DNAAF4: variants seen among roughly 807,000 people sequenced by gnomAD.
DNAAF4 encodes the protein dynein assembly factor 4, axonemal.
In DNAAF4, 43 loss-of-function variants were observed where a neutral mutation model predicts 51.8. The ratio of observed to expected loss-of-function variants is 0.83; its 90% confidence interval spans 0.65 to 1.07. DNAAF4 has a LOEUF of 1.07. Ranked by LOEUF, DNAAF4 falls within the 50% of genes least tolerant of loss-of-function variation. The pLI, the probability that DNAAF4 is intolerant of heterozygous loss-of-function variation, is 0.00. For missense variants in DNAAF4, 581 were observed against 493.0 expected (o/e 1.18, Z -1.69); for synonymous variants, 194 against 165.6 (o/e 1.17, Z -1.32).
intron 7 of DNAAF4, among the ~76,000 whole-genome samples, chr15:55,419,617 A>T (rs1285821300): frequency 6.6e-6 from 1 of 152,158 alleles, no homozygotes; most frequent in African/African-American, 2.4e-5. Flanking sequence ...TGATAGATTG[A>T]GCAAATATTT....
At position 55,504,329 on chromosome 15, in the gene DNAAF4, G is replaced by A. The variant is rs564152325; in HGVS notation, c.-256+3793C>T. Among the ~76,000 whole-genome samples, 13 of 152,244 alleles carry A rather than the reference G, an allele frequency of 8.5e-5. No homozygotes were observed. In the East Asian group the frequency reaches 1.7e-3, roughly 20 times the overall value. On this transcript the variant is annotated intron_variant, in intron 1 of 9. Coordinates refer to ENST00000321149, the MANE Select transcript of DNAAF4 (RefSeq NM_130810.4). ...CATGGATAGGAAAAATCAATATTGCGAAAATGGTCCTACTGCCCAAGGTAA... is the reference window on the plus strand; with the variant it reads ...CATGGATAGGAAAAATCAATATTGCAAAAATGGTCCTACTGCCCAAGGTAA...
Position 55,433,333 on chromosome 15 carries a change from G to A in DNAAF4, c.1048-731C>T, listed in dbSNP as rs139601533. 2.9e-3 allele frequency among the ~76,000 whole-genome samples: 444 copies of A among 152,278 alleles called. 3 individuals carry two copies. Among genetic ancestry groups the A allele is most frequent in the African/African-American group, 0.01 (424 of 41,560 alleles). ...CACACACACACAAAAGGCCTCGGCC[G>A]GGTGTGGTGGCTCATGCCTGTAATC... is the stretch of plus-strand genomic sequence containing the variant. On this transcript the variant is annotated intron_variant, in intron 8 of 9. Coordinates refer to ENST00000321149, the MANE Select transcript of DNAAF4 (RefSeq NM_130810.4).
chr15:55,498,677 G>A (rs1473412503), intron 1 of DNAAF4, 93 bp from the exon 2 acceptor site: 1 of 190,100 alleles, frequency 5.3e-6, no homozygotes, highest in African/African-American at 2.4e-5. Context: ...AGGCCGAGGC[G>A]GGCGGATCAC....
chr15:55,432,977 A>C (rs1190546223), intron 8 of DNAAF4, among the ~76,000 whole-genome samples: 1 of 151,132 alleles, frequency 6.6e-6, no homozygotes, highest in Non-Finnish European at 1.5e-5. Context: ...AAAACAAACA[A>C]GCAAAAACAT....
chr15:55,497,575 G>C (rs2058657370), intron 3 of DNAAF4, 137 bp downstream of exon 3: 1 of 979,186 alleles, frequency 1.0e-6, no homozygotes, highest in African/African-American at 1.7e-5. Flanking sequence ...ACTCCAGCCT[G>C]GGCGACAGAG....
At chr15:55,458,417 T>C (rs2058050171) in intron 5 of DNAAF4, among the ~76,000 whole-genome samples, 1 of 151,922 alleles carries the variant, frequency 6.6e-6, no homozygotes, top group African/African-American at 2.4e-5. Context: ...CAACAATAGA[T>C]TTGAACAAGT....
rs1041296438 is a variant in DNAAF4 at position 55,468,579 on chromosome 15, C to G, written c.406-1418G>C. Among the ~76,000 whole-genome samples the G allele has an allele frequency of 1.3e-5, 2 of 152,260 alleles. 1 individual carries two copies. Among genetic ancestry groups the G allele is most frequent in the South Asian group, 4.2e-4 (2 of 4,816 alleles). On this transcript the variant is annotated intron_variant, in intron 4 of 9. Transcript: ENST00000321149. ...TCCATGTTAGAGAGGAAGCCACAAC[C>G]TAAAAGACGACTTCACCCAGCCTAA...
chr15:55,489,718 T>C (rs1238103985), intron 4 of DNAAF4, among the ~76,000 whole-genome samples: 1 of 147,886 alleles, frequency 6.8e-6, no homozygotes, highest in Non-Finnish European at 1.5e-5. Flanking sequence ...ATAAAAAAAG[T>C]GGACAAATCT....
At chr15:55,446,419 G>C in intron 6 of DNAAF4, among the ~76,000 whole-genome samples, 1 of 146,018 alleles carries the variant, frequency 6.8e-6, no homozygotes, top group Admixed American at 6.8e-5. Flanking sequence ...TTCCCAGACG[G>C]GGCGGCCGGG....
chr15:55,489,100 A>C (rs1267586852), intron 4 of DNAAF4, among the ~76,000 whole-genome samples: 1 of 151,796 alleles, frequency 6.6e-6, no homozygotes, highest in Non-Finnish European at 1.5e-5. Flanking sequence ...AAAAAAAAAA[A>C]CAAAAAACAA....
chr15:55,489,309 GA>G (rs145450338), intron 4 of DNAAF4, among the ~76,000 whole-genome samples: 22,288 of 152,038 alleles, frequency 0.15, 2,420 homozygotes, highest in African/African-American at 0.31. Context: ...ATACAATAAA[GA>G]AAAGATGGAA....
chr15:55,502,337 A>T (rs1440760636), intron 1 of DNAAF4, among the ~76,000 whole-genome samples: 4 of 152,142 alleles, frequency 2.6e-5, no homozygotes, highest in African/African-American at 7.2e-5. Flanking sequence ...CTTTAATTAA[A>T]TTTTTAAAAT....
At chr15:55,458,733 T>C (rs933308175) in intron 5 of DNAAF4, among the ~76,000 whole-genome samples, 1 of 152,126 alleles carries the variant, frequency 6.6e-6, no homozygotes, top group Non-Finnish European at 1.5e-5. Context: ...CCTAGGCACA[T>C]AGTCATCACA....
chr15:55,476,279 G>A (rs1456267679), intron 4 of DNAAF4, among the ~76,000 whole-genome samples: 2 of 152,028 alleles, frequency 1.3e-5, no homozygotes, highest in Admixed American at 6.6e-5. Flanking sequence ...ACCATCCTGA[G>A]TAACACAGAG....
At chr15:55,477,016 CA>C (rs1405877381) in intron 4 of DNAAF4, among the ~76,000 whole-genome samples, 1 of 151,782 alleles carries the variant, frequency 6.6e-6, no homozygotes, top group African/African-American at 2.4e-5. Context: ...ACTAAAAATA[CA>C]AAAAATTAGC....
chr15:55,417,994 G>A (rs2057351771), exon 8 of DNAAF4: 1 of 778,160 alleles, frequency 1.3e-6, no homozygotes, highest in Non-Finnish European at 2.0e-6. Flanking sequence ...GTTAAGGCAG[G>A]AACCGGCCAT....
At chr15:55,497,914 T>C in intron 2 of DNAAF4, 55 bp from the exon 3 acceptor site, 1 of 1,553,856 alleles carries the variant, frequency 6.4e-7, no homozygotes, top group South Asian at 1.2e-5. Flanking sequence ...TAAGCACGCG[T>C]ATTAAGAAAC....
rs1337107970 is a variant in DNAAF4 at position 55,486,000 on chromosome 15, A to AG, written c.405+5122_405+5123insC. Among the ~76,000 whole-genome samples, 716 of 149,618 alleles carry AG rather than the reference A, an allele frequency of 4.8e-3. 1 individual carries two copies. Among genetic ancestry groups the AG allele is most frequent in the Non-Finnish European group, 6.8e-3 (457 of 67,688 alleles). On this transcript the variant is annotated intron_variant, in intron 4 of 9. Coordinates refer to ENST00000321149, the MANE Select transcript of DNAAF4 (RefSeq NM_130810.4). ...ACAGAGCGAGACTCCATCTCAAAAAAAAAAAAAAAAAAAAGGAGGCAGTAG... is the reference window on the plus strand; with the variant it reads ...ACAGAGCGAGACTCCATCTCAAAAAAGAAAAAAAAAAAAAAGGAGGCAGTAG...
In DNAAF4 at chr15:55,498,549, T is replaced by A. The variant is rs2058671051; in HGVS notation, c.-220A>T. ...GCCGATTCTTGGGGTTACCTTACGA[T>A]CTGAGCGAATGTTCAAAGAAGTAGA... On this transcript the variant is annotated 5_prime_UTR_variant, in exon 2 of 10. Coordinates refer to ENST00000321149, the MANE Select transcript of DNAAF4 (RefSeq NM_130810.4). 2 of 430,310 alleles carry A rather than the reference T, an allele frequency of 4.6e-6. No homozygotes were observed. The highest frequency in any genetic ancestry group is 8.0e-6 in the Non-Finnish European group (2 of 249,970). 26.7% of individuals were successfully genotyped at this position (430,310 alleles called of 1,614,324 possible). A position where few individuals can be genotyped will look rare whatever the true frequency, so the allele number is the denominator to read the frequency against.
Sources: gnomAD v4.1 joint callset for allele counts (sites outside exome capture counted in the v4.1 genomes callset) on GRCh38, gnomAD v4.1.1 for gene constraint, MANE v1.5 for transcripts, NCBI Gene and HGNC (gene_info 2026-07-23, HGNC 2026-07-21) for gene names.